The following WDR91 variants were observed in gnomAD, a reference collection of about 807,000 sequenced individuals.
WDR91 encodes the protein WD repeat-containing protein 91.
In WDR91, 52 loss-of-function variants were observed where a neutral mutation model predicts 88.4. That is an observed-to-expected ratio of 0.59 (90% CI 0.47 to 0.74). The LOEUF (loss-of-function observed/expected upper bound fraction) is 0.74. WDR91 is among the 30% of genes least tolerant of loss of function. The pLI is 0.00. For missense variants in WDR91, 824 were observed against 954.5 expected (o/e 0.86, Z 1.80); for synonymous variants, 362 against 389.5 (o/e 0.93, Z 0.83).
intron 9 of WDR91, 54 bp downstream of exon 9, chr7:135,194,880 G>A (rs1339991341): frequency 6.2e-7 from 1 of 1,602,402 alleles, no homozygotes; most frequent in African/African-American, 1.3e-5. Flanking sequence ...GAGAACCCTG[G>A]GGAATTCCTC....
intron 6 of WDR91, among the ~76,000 whole-genome samples, chr7:135,203,445 G>GA (rs1831644479): frequency 6.6e-6 from 1 of 152,200 alleles, no homozygotes; most frequent in Non-Finnish European, 1.5e-5. Context: ...TGAAAGCAAT[G>GA]AATTCTGACA....
rs1295304076 is a variant in WDR91 at position 135,193,602 on chromosome 7, A to G, written c.1466T>C (p.Ile489Thr). The G allele has an allele frequency of 1.9e-6, 3 of 1,614,000 alleles. No individual in the cohort carries two copies. The African/African-American group carries it at 4.0e-5, about 22-fold the overall frequency. ...DTEAKKNLCE[I>T]NINDNMPRIL... ...CCTGGGCATGTTGTCGTTGATATTG[A>G]TTTCACAGAGATTCTTCTTGGCTTC... is the stretch of plus-strand genomic sequence containing the variant. Residue 489 changes from isoleucine (I) to threonine (T), a missense_variant, in exon 10 of 15, where the codon ATC becomes ACC. Coordinates refer to ENST00000354475, the MANE Select transcript of WDR91 (RefSeq NM_014149.4).
intron 11 of WDR91, 131 bp downstream of exon 11, chr7:135,193,100 T>C: frequency 2.2e-6 from 3 of 1,366,808 alleles, no homozygotes; most frequent in Non-Finnish European, 3.0e-6. Context: ...AGTACACTAC[T>C]TTTCAACACT....
chr7:135,206,356 T>A (rs1324434533), intron 4 of WDR91, among the ~76,000 whole-genome samples: 3 of 152,190 alleles, frequency 2.0e-5, no homozygotes, highest in Non-Finnish European at 2.9e-5. Context: ...CCTGTTTTGC[T>A]TTTTAGAATC....
At chr7:135,188,118 A>G (rs1414914361) in intron 13 of WDR91, among the ~76,000 whole-genome samples, 1 of 152,066 alleles carries the variant, frequency 6.6e-6, no homozygotes, top group African/African-American at 2.4e-5. Flanking sequence ...CTACACATCC[A>G]TGAGTGGTCC....
rs757406904 is a variant in WDR91, at chr7:135,198,016, G to C, written c.1027C>G (p.Leu343Val). The C allele has an allele frequency of 8.7e-6, 14 of 1,614,042 alleles. No individual in the cohort carries two copies. Among genetic ancestry groups the C allele is most frequent in the Non-Finnish European group, 1.2e-5 (14 of 1,180,000 alleles). The change falls in exon 7 of 15, where the codon CTT (leucine) becomes GTT (valine). Residue 343 changes from leucine to valine, a missense_variant. Leu to Val is a conservative substitution (Grantham distance 32, BLOSUM62 1). Transcript: ENST00000354475. ...ACCTGGGAAGTGGTTGTGGAGAAAA[G>C]CTCCTTCCTCTCCTTGCCATGGTCC... ...LQDHGKERKE[L>V]FSTTTSQCAE...
At chr7:135,211,285 G>C (rs1026843178) in intron 1 of WDR91, 95 bp downstream of exon 1, 1 of 1,476,128 alleles carries the variant, frequency 6.8e-7, no homozygotes, top group Admixed American at 2.4e-5. Flanking sequence ...GCGAGTGACA[G>C]CGCCGCTCTC....
At position 135,184,685 on chromosome 7, in the gene WDR91, T is replaced by C. The variant is rs1177080104; in HGVS notation, c.*1466A>G. The C allele has an allele frequency of 6.6e-6, 1 of 152,398 alleles. No homozygotes were observed. The highest frequency in any genetic ancestry group is 6.5e-5 in the Admixed American group (1 of 15,276). The allele number at this position is 152,398 out of a possible 1,614,324, so 9.4% of individuals were successfully genotyped here. A position where few individuals can be genotyped will look rare whatever the true frequency, so the allele number is the denominator to read the frequency against. On this transcript the variant is annotated 3_prime_UTR_variant, in exon 15 of 15. Coordinates refer to ENST00000354475, the MANE Select transcript of WDR91 (RefSeq NM_014149.4). ...AGCTACAGATCGGCTCAGCCACAGT[T>C]GGGCCGGCCTGAACCCCAGGTGCCC...
In WDR91 at chr7:135,185,491, G is replaced by C. The variant is rs1402191617; in HGVS notation, c.*660C>G. 6.6e-6 allele frequency: 1 copy of C among 152,246 alleles called. No individual in the cohort carries two copies. The highest frequency in any genetic ancestry group is 1.5e-5 in the Non-Finnish European group (1 of 68,048). 9.4% of individuals were successfully genotyped at this position (152,246 alleles called of 1,614,324 possible). A position where few individuals can be genotyped will look rare whatever the true frequency, so the allele number is the denominator to read the frequency against. On this transcript the variant is annotated 3_prime_UTR_variant, in exon 15 of 15. Transcript: ENST00000354475. ...GCCACTGGATGGAAAGGGGCAGCCA[G>C]TAGCAGAGGCCTCAGCCCCTGCCTT...
At chr7:135,198,227 C>A in intron 6 of WDR91, 76 bp from the exon 7 acceptor site, 1 of 1,524,672 alleles carries the variant, frequency 6.6e-7, no homozygotes, top group East Asian at 2.3e-5. Flanking sequence ...GAGTGGTCAG[C>A]CCTGGGCGGG....
At chr7:135,188,682 A>C in intron 12 of WDR91, 137 bp from the exon 13 acceptor site, 1 of 720,010 alleles carries the variant, frequency 1.4e-6, no homozygotes, top group Non-Finnish European at 2.4e-6. Context: ...CCAGGACCCA[A>C]TGAGCGCCAT....
rs117947785 is a variant in WDR91 at position 135,211,309 on chromosome 7, T to A, written c.123+71A>T. The A allele has an allele frequency of 0.011, 17,378 of 1,543,648 alleles. 1,152 individuals are homozygous for A. In the East Asian group the frequency reaches 0.2, roughly 18 times the overall value. On this transcript the variant is annotated intron_variant, in intron 1 of 14. Transcript: ENST00000354475. Reference sequence around the variant, plus strand: ...AGCGCCGCTCTCGCCCCGGAGGCAGTGCTGGGGGGAAGCCCGCTCCCCGGC... The same window carrying A: ...AGCGCCGCTCTCGCCCCGGAGGCAGAGCTGGGGGGAAGCCCGCTCCCCGGC...
At chr7:135,194,558 C>T (rs535636696) in intron 9 of WDR91, among the ~76,000 whole-genome samples, 2 of 152,310 alleles carry the variant, frequency 1.3e-5, no homozygotes, top group Admixed American at 1.3e-4. Flanking sequence ...AAATAGAACA[C>T]CAGCCCCTCA....
chr7:135,187,774 A>C (rs370493067), intron 13 of WDR91, among the ~76,000 whole-genome samples: 6 of 152,216 alleles, frequency 3.9e-5, no homozygotes, highest in Non-Finnish European at 8.8e-5. Flanking sequence ...AGCATCCCAC[A>C]TAACAAGGAA....
chr7:135,201,408 A>G (rs532806048), intron 6 of WDR91: 3 of 151,522 alleles, frequency 2.0e-5, no homozygotes, highest in South Asian at 2.1e-4. Flanking sequence ...AAGCCTGGAG[A>G]GTATCTGCCA....
rs148472782 is a variant in WDR91, at chr7:135,193,351, C to T, written c.1539G>A (p.Ser513=). ...GGGAAGTGAGGCTCGGAGCTGCTGC[C>T]GAACAGACGAAAGAGGCCCCGTTGG... ...CSPNGASFVC[S]AAAPSLTSQV... The change falls in exon 11 of 15, where the codon TCG becomes TCA. Residue 513 remains serine, a synonymous_variant. Coordinates refer to ENST00000354475, the MANE Select transcript of WDR91 (RefSeq NM_014149.4). 7.3e-5 allele frequency: 118 copies of T among 1,614,180 alleles called. No individual in the cohort carries two copies. In the African/African-American group the frequency reaches 1.3e-3, roughly 18 times the overall value.
intron 12 of WDR91, among the ~76,000 whole-genome samples, chr7:135,189,041 C>T (rs573243134): frequency 6.7e-4 from 102 of 152,336 alleles, no homozygotes; most frequent in Non-Finnish European, 1.2e-3. Flanking sequence ...GTAGGTAGGA[C>T]AGCAGTACTC....
At position 135,197,990 on chromosome 7, in the gene WDR91, T is replaced by C. The variant is rs375413800; in HGVS notation, c.1050+3A>G. Reference sequence around the variant, plus strand: ...CCCAGGGGTGTTCAGGACAACCCCATACCTGGGAAGTGGTTGTGGAGAAAA... The same window carrying C: ...CCCAGGGGTGTTCAGGACAACCCCACACCTGGGAAGTGGTTGTGGAGAAAA... On this transcript the variant is annotated splice_donor_region_variant and intron_variant, in intron 7 of 14. Transcript: ENST00000354475. The C allele has an allele frequency of 8.2e-5, 133 of 1,613,864 alleles. No homozygotes were observed. Among genetic ancestry groups the C allele is most frequent in the Non-Finnish European group, 1.1e-4 (128 of 1,179,896 alleles).
intron 5 of WDR91, 44 bp from the exon 6 acceptor site, chr7:135,204,477 T>C (rs1327216742): frequency 6.2e-7 from 1 of 1,603,638 alleles, no homozygotes. Flanking sequence ...TGAAACAGGA[T>C]GTGGAAAAAC....
Sources: allele counts gnomAD v4.1 joint callset (sites outside exome capture counted in the v4.1 genomes callset), GRCh38; gene constraint gnomAD v4.1.1; transcripts MANE v1.5; gene names NCBI Gene and HGNC (gene_info 2026-07-23, HGNC 2026-07-21).